CALN1: variants seen among roughly 807,000 people sequenced by gnomAD.
The protein encoded by CALN1 is calcium-binding protein 8.
CALN1 carries 17 observed loss-of-function variants against 30.6 expected under a neutral mutation model. That is an observed-to-expected ratio of 0.56 (90% CI 0.38 to 0.83). The LOEUF (loss-of-function observed/expected upper bound fraction) is 0.83. Ranked by LOEUF, CALN1 falls within the 40% of genes least tolerant of loss-of-function variation. The probability of loss-of-function intolerance (pLI) is 0.00; values close to 1 mark genes in which losing one functional copy is unlikely to be tolerated. For synonymous variants in CALN1, 156 were observed against 131.4 expected (o/e 1.19, Z -1.28); for missense variants, 291 against 354.9 (o/e 0.82, Z 1.45).
chr7:71,918,649 ATCT>A (rs1794795770), intron 5 of CALN1, among the ~76,000 whole-genome samples: 2 of 152,176 alleles, frequency 1.3e-5, no homozygotes, highest in Non-Finnish European at 2.9e-5. Context: ...GACCCCCTTC[ATCT>A]TCTCAGGCAC....
intron 5 of CALN1, among the ~76,000 whole-genome samples, chr7:71,841,461 A>G (rs764150172): frequency 1.6e-4 from 25 of 152,198 alleles, no homozygotes; most frequent in Non-Finnish European, 2.8e-4. Flanking sequence ...CAGAGAATTC[A>G]AAACAGAATT....
intron 5 of CALN1, among the ~76,000 whole-genome samples, chr7:71,864,854 T>C (rs1248641612): frequency 6.6e-6 from 1 of 151,866 alleles, no homozygotes; most frequent in Non-Finnish European, 1.5e-5. Context: ...ACTTATAAAT[T>C]AGCCAGGCAT....
intron 5 of CALN1, among the ~76,000 whole-genome samples, chr7:72,005,181 T>G (rs1799706315): frequency 6.6e-6 from 1 of 152,206 alleles, no homozygotes; most frequent in South Asian, 2.1e-4. Flanking sequence ...CACAAAAGCC[T>G]GCATACAAAT....
intron 2 of CALN1, among the ~76,000 whole-genome samples, chr7:72,393,386 C>T (rs1805705806): frequency 6.6e-6 from 1 of 152,138 alleles, no homozygotes; most frequent in South Asian, 2.1e-4. Flanking sequence ...ATGGCGTGAA[C>T]CTGGGAGGCA....
At chr7:72,375,320 T>A (rs1182315997) in intron 2 of CALN1, among the ~76,000 whole-genome samples, 1 of 152,140 alleles carries the variant, frequency 6.6e-6, no homozygotes, top group Non-Finnish European at 1.5e-5. Flanking sequence ...TCCAGCACTT[T>A]GGGAGGCCAA....
intron 2 of CALN1, among the ~76,000 whole-genome samples, chr7:72,391,158 C>T (rs1046034616): frequency 2.0e-5 from 3 of 152,122 alleles, no homozygotes; most frequent in Non-Finnish European, 2.9e-5. Context: ...ACCCACCTCC[C>T]AACCGCAGAG....
intron 2 of CALN1, among the ~76,000 whole-genome samples, chr7:72,395,355 G>GCACA (rs72331178): frequency 0.41 from 60,306 of 147,408 alleles, 12,256 homozygotes; most frequent in East Asian, 0.65. Context: ...CTGCGCACGC[G>GCACA]CGCGCACACA....
intron 1 of CALN1, among the ~76,000 whole-genome samples, chr7:72,420,620 T>A (rs1019342157): frequency 1.4e-5 from 2 of 144,358 alleles, no homozygotes; most frequent in African/African-American, 2.6e-5. Flanking sequence ...TCTGGATGCA[T>A]CTTTTTTTTT....
In CALN1 at chr7:72,121,338, AATTAT is replaced by A. The variant is rs1450803429; in HGVS notation, c.245-15049_245-15045del. On this transcript the variant is annotated intron_variant, in intron 3 of 6. Coordinates refer to ENST00000395275, the MANE Select transcript of CALN1 (RefSeq NM_031468.4). ...GAATATATAAATTAAATAATATATA[AATTAT>A]ATTATATAATTATGCAATATGATAT... 9.7e-3 allele frequency among the ~76,000 whole-genome samples: 1,399 copies of A among 144,530 alleles called. 23 individuals carry two copies. The highest frequency in any genetic ancestry group is 0.033 in the African/African-American group (1,322 of 39,822). 94.8% of individuals were successfully genotyped at this position (144,530 alleles called of 152,430 possible).
At chr7:72,081,550 G>A (rs1033466448) in intron 4 of CALN1, among the ~76,000 whole-genome samples, 7 of 152,106 alleles carry the variant, frequency 4.6e-5, no homozygotes, top group Non-Finnish European at 1.0e-4. Flanking sequence ...AACCTCCTGA[G>A]TAGCTGGGAC....
intron 5 of CALN1, among the ~76,000 whole-genome samples, chr7:72,007,886 C>A (rs1180980800): frequency 6.6e-6 from 1 of 152,030 alleles, no homozygotes; most frequent in Non-Finnish European, 1.5e-5. Flanking sequence ...TTTCAATAAG[C>A]CTCTGTTGAA....
intron 5 of CALN1, among the ~76,000 whole-genome samples, chr7:72,001,264 A>T (rs777789395): frequency 3.3e-5 from 5 of 151,932 alleles, no homozygotes; most frequent in Non-Finnish European, 5.9e-5. Flanking sequence ...GGCAGTCTCT[A>T]AACAGGTAGA....
intron 1 of CALN1, among the ~76,000 whole-genome samples, chr7:72,408,340 G>GCTT (rs1036495765): frequency 6.6e-6 from 1 of 151,766 alleles, no homozygotes; most frequent in African/African-American, 2.4e-5. Flanking sequence ...ACTCAGGAGG[G>GCTT]TAAGGCATGA....
upstream of CALN1, among the ~76,000 whole-genome samples, chr7:72,449,125 T>C (rs1384817996): frequency 6.6e-6 from 1 of 152,188 alleles, no homozygotes; most frequent in East Asian, 1.9e-4. Flanking sequence ...CCTGGGTTTA[T>C]AATTTGAAAA....
At chr7:71,816,262 G>C (rs1408263441) in intron 5 of CALN1, among the ~76,000 whole-genome samples, 1 of 152,152 alleles carries the variant, frequency 6.6e-6, no homozygotes. Flanking sequence ...AACTGAAGGG[G>C]AGGTGTAAAA....
chr7:72,258,125 T>TTA (rs1554340642), intron 3 of CALN1, among the ~76,000 whole-genome samples: 6 of 151,124 alleles, frequency 4.0e-5, no homozygotes, highest in Non-Finnish European at 5.9e-5. Flanking sequence ...ATGAATTTTT[T>TTA]AAAAAAAAAC....
At chr7:72,206,984 C>T (rs1367444354) in intron 3 of CALN1, among the ~76,000 whole-genome samples, 1 of 152,208 alleles carries the variant, frequency 6.6e-6, no homozygotes. Flanking sequence ...TGTCACTGAG[C>T]TCCTCTATCT....
intron 1 of CALN1, 71 bp from the exon 2 acceptor site, chr7:72,403,513 T>C (rs775144993): frequency 5.2e-6 from 3 of 582,464 alleles, no homozygotes; most frequent in South Asian, 2.8e-5. Flanking sequence ...GCCTGCCGCC[T>C]AAATAATTCA....
At chr7:72,430,215 A>G (rs1807930866) in intron 1 of CALN1, among the ~76,000 whole-genome samples, 2 of 148,366 alleles carry the variant, frequency 1.3e-5, no homozygotes, top group African/African-American at 2.4e-5. Context: ...CATAATAATT[A>G]TATTTATAGA....
Sources: allele counts gnomAD v4.1 joint callset (sites outside exome capture counted in the v4.1 genomes callset), GRCh38; gene constraint gnomAD v4.1.1; transcripts MANE v1.5; gene names NCBI Gene and HGNC (gene_info 2026-07-23, HGNC 2026-07-21).